GCNT2: variants seen among roughly 807,000 people sequenced by gnomAD.
GCNT2 encodes the protein N-acetyllactosaminide beta-1,6-N-acetylglucosaminyl-transferase.
GCNT2 carries 34 observed loss-of-function variants against 34.2 expected under a neutral mutation model. The ratio of observed to expected loss-of-function variants is 1.00; its 90% CI spans 0.76 to 1.32. The LOEUF (loss-of-function observed/expected upper bound fraction) is 1.32, where lower values mean the gene tolerates loss of function less well. Ranked by LOEUF, GCNT2 falls within the 40% of genes most tolerant of loss-of-function variation. The pLI is 0.00. For missense variants in GCNT2, 584 were observed against 489.4 expected, an observed-to-expected ratio of 1.19 and a Z score of -1.82; for synonymous variants, 212 against 188.0, an observed-to-expected ratio of 1.13 and a Z score of -1.04.
At chr6:10,549,658 G>A (rs1300740926) in intron 3 of GCNT2, among the ~76,000 whole-genome samples, 2 of 133,214 alleles carry the variant, frequency 1.5e-5, no homozygotes, top group African/African-American at 2.8e-5. Context: ...TGCAACATCC[G>A]CCTCTCAGGC....
At chr6:10,563,774 AAAAATATATATATAT>A (rs1294598818) in intron 3 of GCNT2, among the ~76,000 whole-genome samples, 550 of 40,976 alleles carry the variant, frequency 0.013, 4 homozygotes, top group African/African-American at 0.056. Context: ...AAAAAAAAAA[AAAAATATATATATAT>A]ATATATATAT....
intron 3 of GCNT2, among the ~76,000 whole-genome samples, chr6:10,545,326 A>G (rs899268420): frequency 2.6e-5 from 4 of 152,118 alleles, no homozygotes; most frequent in African/African-American, 7.2e-5. Context: ...GGTCTGCGCT[A>G]TCGACATTTG....
chr6:10,530,910 C>T lies in GCNT2; in HGVS notation c.925+1074C>T, dbSNP rs139119512. On this transcript the variant is annotated intron_variant, in intron 3 of 4. Coordinates refer to ENST00000495262, the MANE Select transcript of GCNT2 (RefSeq NM_145649.5). ...TCTACTAAAAATACCAAAAATTAGCCAGGCGTGGTGGCGCATGCCTGTAAT... is the reference window on the plus strand; with the variant it reads ...TCTACTAAAAATACCAAAAATTAGCTAGGCGTGGTGGCGCATGCCTGTAAT... Among the ~76,000 whole-genome samples, 175 of 152,076 alleles carry T rather than the reference C, an allele frequency of 1.2e-3. 1 individual carries two copies. Among genetic ancestry groups the T allele is most frequent in the African/African-American group, 3.3e-3 (138 of 41,496 alleles).
rs1206209410 is a variant in GCNT2, at chr6:10,582,500, TATA to T, written c.926-38847_926-38845del. Among the ~76,000 whole-genome samples the T allele has an allele frequency of 6.9e-4, 87 of 125,878 alleles. 1 individual carries two copies. The highest frequency in any genetic ancestry group is 5.5e-3 in the East Asian group (27 of 4,866). 82.6% of individuals were successfully genotyped at this position (125,878 alleles called of 152,430 possible). On this transcript the variant is annotated intron_variant, in intron 3 of 4. Transcript: ENST00000495262. ...CTATAATATATACTATAATATATAA[TATA>T]ATACATCATATATTATATTATACAT...
At chr6:10,580,391 C>T (rs1347001786) in intron 3 of GCNT2, among the ~76,000 whole-genome samples, 2 of 152,184 alleles carry the variant, frequency 1.3e-5, no homozygotes, top group South Asian at 2.1e-4. Context: ...ACCAGCTTCC[C>T]GCACTGTGCC....
At chr6:10,571,852 A>T (rs1436655718) in intron 3 of GCNT2, among the ~76,000 whole-genome samples, 1 of 151,336 alleles carries the variant, frequency 6.6e-6, no homozygotes, top group African/African-American at 2.5e-5. Context: ...AGGATCACGC[A>T]GAGATTTTCT....
intron 3 of GCNT2, among the ~76,000 whole-genome samples, chr6:10,601,896 A>G (rs1283651979): frequency 6.7e-6 from 1 of 149,950 alleles, no homozygotes; most frequent in Non-Finnish European, 1.5e-5. Flanking sequence ...AGCTGAGATC[A>G]TGCCACTGCA....
At chr6:10,578,220 G>T (rs895983910) in intron 3 of GCNT2, among the ~76,000 whole-genome samples, 1 of 151,494 alleles carries the variant, frequency 6.6e-6, no homozygotes, top group African/African-American at 2.4e-5. Flanking sequence ...GTGAAACCCC[G>T]TGTCTAATAA....
Position 10,557,569 on chromosome 6 carries a change from C to T in GCNT2, c.925+27733C>T, listed in dbSNP as rs376013491. Reference sequence around the variant, plus strand: ...GGGGCAACATCATGGCTCACTGAACCCTGGACCTCCTGGGCTCCAGCAATC... The same window carrying T: ...GGGGCAACATCATGGCTCACTGAACTCTGGACCTCCTGGGCTCCAGCAATC... On this transcript the variant is annotated intron_variant, in intron 3 of 4. Coordinates refer to ENST00000495262, the MANE Select transcript of GCNT2 (RefSeq NM_145649.5). Among the ~76,000 whole-genome samples, 82 of 151,996 alleles carry T rather than the reference C, an allele frequency of 5.4e-4. 2 individuals carry two copies. The South Asian group carries it at 0.012, about 23-fold the overall frequency.
chr6:10,584,525 G>A (rs1764257052), intron 3 of GCNT2, among the ~76,000 whole-genome samples: 1 of 152,088 alleles, frequency 6.6e-6, no homozygotes, highest in Admixed American at 6.5e-5. Flanking sequence ...GGGCTGGGGG[G>A]CTGTAAGGTC....
intron 3 of GCNT2, among the ~76,000 whole-genome samples, chr6:10,591,692 G>A (rs905678906): frequency 1.3e-5 from 2 of 152,110 alleles, no homozygotes; most frequent in Non-Finnish European, 2.9e-5. Flanking sequence ...CCACTCCCGG[G>A]CTACTCACAT....
At chr6:10,561,200 T>C (rs1384077966) in intron 3 of GCNT2, among the ~76,000 whole-genome samples, 1 of 152,220 alleles carries the variant, frequency 6.6e-6, no homozygotes, top group Admixed American at 6.5e-5. Flanking sequence ...AGTTTCACTC[T>C]TGCCCAGGCT....
chr6:10,535,905 AG>A (rs939618754), intron 3 of GCNT2, among the ~76,000 whole-genome samples: 58 of 152,302 alleles, frequency 3.8e-4, no homozygotes, highest in African/African-American at 1.4e-3. Context: ...CCTGCGGACT[AG>A]CCCTATTGGA....
chr6:10,591,622 T>G (rs555556333), intron 3 of GCNT2, among the ~76,000 whole-genome samples: 11 of 152,302 alleles, frequency 7.2e-5, no homozygotes, highest in African/African-American at 2.6e-4. Context: ...GTTTCTGCCT[T>G]CCTTGCACCT....
intron 3 of GCNT2, among the ~76,000 whole-genome samples, chr6:10,540,304 G>A (rs1761981086): frequency 6.6e-6 from 1 of 152,176 alleles, no homozygotes; most frequent in Admixed American, 6.5e-5. Flanking sequence ...CTTTAGACTT[G>A]TCTGAAGCCA....
intron 3 of GCNT2, among the ~76,000 whole-genome samples, chr6:10,585,187 G>T (rs1293853055): frequency 5.3e-5 from 8 of 152,010 alleles, no homozygotes; most frequent in African/African-American, 1.7e-4. Context: ...ATTTTTTAAA[G>T]TAAGTGTTTG....
chr6:10,611,859 TAAAG>T (rs1471548948), intron 3 of GCNT2, among the ~76,000 whole-genome samples: 1 of 152,214 alleles, frequency 6.6e-6, no homozygotes, highest in African/African-American at 2.4e-5. Context: ...AATACAACAT[TAAAG>T]AAAGTTTTAT....
chr6:10,549,902 T>G (rs1762415428), intron 3 of GCNT2, among the ~76,000 whole-genome samples: 1 of 152,182 alleles, frequency 6.6e-6, no homozygotes, highest in South Asian at 2.1e-4. Context: ...TTCTCTCATT[T>G]AAATATAAGC....
chr6:10,622,026 C>T (rs1766057781), intron 4 of GCNT2, among the ~76,000 whole-genome samples: 2 of 152,296 alleles, frequency 1.3e-5, no homozygotes, highest in South Asian at 4.1e-4. Context: ...CAGGCCAGTC[C>T]CTGCTCCCCC....
Sources: gnomAD v4.1 joint callset for allele counts (sites outside exome capture counted in the v4.1 genomes callset) on GRCh38, gnomAD v4.1.1 for gene constraint, MANE v1.5 for transcripts, NCBI Gene and HGNC (gene_info 2026-07-23, HGNC 2026-07-21) for gene names.